XK: variants seen among roughly 807,000 people sequenced by gnomAD.
The protein encoded by XK is endoplasmic reticulum membrane adapter protein XK.
XK carries 2 observed loss-of-function variants against 14.0 expected under a neutral mutation model. The ratio of observed to expected loss-of-function variants is 0.14; its 90% CI spans 0.06 to 0.45. The LOEUF is 0.45. Ranked by LOEUF, XK falls within the 20% of genes least tolerant of loss-of-function variation. The pLI is 0.98. For missense variants in XK, 235 were observed against 341.5 expected, an observed-to-expected ratio of 0.69 and a Z score of 2.46; for synonymous variants, 149 against 147.5, an observed-to-expected ratio of 1.01 and a Z score of -0.08.
At chrX:37,710,114 A>C (rs782703554) in intron 2 of XK, among the ~76,000 whole-genome samples, 1 of 112,632 alleles carries the variant, frequency 8.9e-6, no homozygotes, top group Admixed American at 9.4e-5. Flanking sequence ...CCATGGATGC[A>C]CTTAGATCTC....
chrX:37,706,603 C>CT (rs56688156), intron 2 of XK, among the ~76,000 whole-genome samples: 31,593 of 105,645 alleles, frequency 0.3, 5,645 homozygotes, highest in African/African-American at 0.66. Context: ...GACAAATGTT[C>CT]TTTTTTTTTA....
chrX:37,698,543 C>CAA lies in XK; in HGVS notation c.508+4020_508+4021dup, dbSNP rs35497516. The stretch of plus-strand genomic sequence containing the variant: ...GCTTGAGCCTGGGAGGACCTTGCCT[C>CAA]AAAAAAAAAAAAAAAAAAAAAAAAA... On this transcript the variant is annotated intron_variant, in intron 2 of 2. Transcript: ENST00000378616. 4.9e-3 allele frequency among the ~76,000 whole-genome samples: 133 copies of CAA among 26,989 alleles called. 6 individuals are homozygous for CAA. Among genetic ancestry groups the CAA allele is most frequent in the African/African-American group, 0.014 (116 of 8,018 alleles). 23.4% of individuals were successfully genotyped at this position (26,989 alleles called of 115,157 possible). A position where few individuals can be genotyped will look rare whatever the true frequency, so the allele number is the denominator to read the frequency against.
intron 2 of XK, among the ~76,000 whole-genome samples, chrX:37,697,325 C>T (rs1927322339): frequency 8.9e-6 from 1 of 112,249 alleles, no homozygotes; most frequent in African/African-American, 3.2e-5. Context: ...TTAGACTAGT[C>T]ATGGCCTGCG....
At chrX:37,726,465 C>T (rs1326226229) in intron 2 of XK, among the ~76,000 whole-genome samples, 6 of 111,453 alleles carry the variant, frequency 5.4e-5, no homozygotes, top group Admixed American at 9.5e-5. Flanking sequence ...GCCAGGCTGT[C>T]GGTTCCTAAC....
chrX:37,731,378 C>A lies in XK; in HGVS notation c.*2916C>A, dbSNP rs1569475846. ...GACTTCCTCTCATTGCTGGAGACAG[C>A]CCAGTGTAGAGATTGGCACTTCCCT... is the stretch of plus-strand genomic sequence containing the variant. On this transcript the variant is annotated 3_prime_UTR_variant, in exon 3 of 3. Coordinates refer to ENST00000378616, the MANE Select transcript of XK (RefSeq NM_021083.4). 9.0e-6 allele frequency: 1 copy of A among 111,717 alleles called. No individual in the cohort carries two copies. Among genetic ancestry groups the A allele is most frequent in the Non-Finnish European group, 1.9e-5 (1 of 53,098 alleles). 9.2% of individuals were successfully genotyped at this position (111,717 alleles called of 1,213,427 possible).
intron 2 of XK, among the ~76,000 whole-genome samples, chrX:37,709,937 G>A (rs1927629302): frequency 9.0e-6 from 1 of 111,725 alleles, no homozygotes; most frequent in African/African-American, 3.3e-5. Flanking sequence ...GATCAAGAGT[G>A]AACACAAAAT....
chrX:37,706,631 A>T lies in XK; in HGVS notation c.508+12083A>T, dbSNP rs183535117. ...TTTTTTTAAAATTAATTAATTAATT[A>T]ATTTTATTTTATTTTATTTTTATTG... On this transcript the variant is annotated intron_variant, in intron 2 of 2. Coordinates refer to ENST00000378616, the MANE Select transcript of XK (RefSeq NM_021083.4). Among the ~76,000 whole-genome samples, 840 of 109,443 alleles carry T rather than the reference A, an allele frequency of 7.7e-3. 8 individuals carry two copies. Among genetic ancestry groups the T allele is most frequent in the African/African-American group, 0.023 (693 of 29,999 alleles).
At chrX:37,705,155 TAAAAG>T (rs1556444669) in intron 2 of XK, among the ~76,000 whole-genome samples, 1 of 110,610 alleles carries the variant, frequency 9.0e-6, no homozygotes, top group African/African-American at 3.3e-5. Context: ...TCATAAAACT[TAAAAG>T]AGAAGCCAGG....
intron 2 of XK, among the ~76,000 whole-genome samples, chrX:37,697,141 G>A (rs1556442589): frequency 1.8e-5 from 2 of 111,664 alleles, no homozygotes; most frequent in Non-Finnish European, 3.8e-5. Flanking sequence ...ATGATGATTA[G>A]AGTTACCTGG....
At position 37,686,330 on chromosome X, in the gene XK, G is replaced by A. The variant is rs782803574; in HGVS notation, c.245+124G>A. ...AGACAGGTGGCTGAGCCCCAAGCCG[G>A]TCCGCCATGCCCCTCAGCCCCATTA... On this transcript the variant is annotated intron_variant, in intron 1 of 2. Coordinates refer to ENST00000378616, the MANE Select transcript of XK (RefSeq NM_021083.4). The A allele has an allele frequency of 8.4e-4, 932 of 1,112,844 alleles. 3 individuals are homozygous for A. Among genetic ancestry groups the A allele is most frequent in the South Asian group, 2.8e-3 (138 of 48,901 alleles). 91.7% of individuals were successfully genotyped at this position (1,112,844 alleles called of 1,213,427 possible).
At chrX:37,716,761 C>A (rs1927774110) in intron 2 of XK, among the ~76,000 whole-genome samples, 1 of 111,872 alleles carries the variant, frequency 8.9e-6, no homozygotes, top group African/African-American at 3.3e-5. Context: ...AGTCTAGGAT[C>A]TTACTTCCTT....
chrX:37,689,961 T>G (rs1927171998), intron 1 of XK, among the ~76,000 whole-genome samples: 1 of 111,640 alleles, frequency 9.0e-6, no homozygotes, highest in Non-Finnish European at 1.9e-5. Flanking sequence ...TTTCAAGGAA[T>G]TCCCCTCATT....
At chrX:37,689,366 A>G (rs782686686) in intron 1 of XK, among the ~76,000 whole-genome samples, 14 of 112,592 alleles carry the variant, frequency 1.2e-4, no homozygotes, top group Non-Finnish European at 2.3e-4. Context: ...TCAGCTTTAC[A>G]TAAAGATAAA....
rs1556450519 is a variant in XK at position 37,728,201 on chromosome X, G to A, written c.1074G>A (p.Gly358=). The A allele has an allele frequency of 8.3e-7, 1 of 1,209,122 alleles. No individual in the cohort carries two copies. Among genetic ancestry groups the A allele is most frequent in the African/African-American group, 1.8e-5 (1 of 56,948 alleles). ...TGTTGGTCCTGCAGCTGCTCATTGGGTACTGCACAGCCATTCTCTTCATGC... is the reference window on the plus strand; with the variant it reads ...TGTTGGTCCTGCAGCTGCTCATTGGATACTGCACAGCCATTCTCTTCATGC... ...APLLVLQLLI[G]YCTAILFMLV... Residue 358 remains glycine, a synonymous_variant, in exon 3 of 3, where the codon GGG becomes GGA. Coordinates refer to ENST00000378616, the MANE Select transcript of XK (RefSeq NM_021083.4).
At chrX:37,698,166 C>T (rs1927338696) in intron 2 of XK, among the ~76,000 whole-genome samples, 1 of 112,038 alleles carries the variant, frequency 8.9e-6, no homozygotes, top group Admixed American at 9.4e-5. Flanking sequence ...CAGTGCCCTT[C>T]TCTATTCTAC....
At chrX:37,692,241 T>TTTA (rs1205819061) in intron 1 of XK, among the ~76,000 whole-genome samples, 4 of 110,373 alleles carry the variant, frequency 3.6e-5, no homozygotes, top group Non-Finnish European at 5.7e-5. Context: ...TTAATTTTCG[T>TTTA]TTATTATTAT....
chrX:37,700,531 G>A (rs1295387126), intron 2 of XK, among the ~76,000 whole-genome samples: 6 of 112,055 alleles, frequency 5.4e-5, no homozygotes, highest in Admixed American at 4.7e-4. Flanking sequence ...TGGGTGGAAG[G>A]TGTTGCCAGT....
At chrX:37,704,244 A>G (rs951421207) in intron 2 of XK, among the ~76,000 whole-genome samples, 17 of 111,965 alleles carry the variant, frequency 1.5e-4, no homozygotes, top group African/African-American at 4.5e-4. Flanking sequence ...ATAAAAAACT[A>G]TCTGGAGAGC....
intron 2 of XK, among the ~76,000 whole-genome samples, chrX:37,697,120 C>T (rs2146814023): frequency 8.9e-6 from 1 of 111,832 alleles, no homozygotes; most frequent in African/African-American, 3.2e-5. Flanking sequence ...ATTCCTCAAA[C>T]TTCCCTGATG....
Sources: allele counts gnomAD v4.1 joint callset (sites outside exome capture counted in the v4.1 genomes callset), GRCh38; gene constraint gnomAD v4.1.1; transcripts MANE v1.5; gene names NCBI Gene and HGNC (gene_info 2026-07-23, HGNC 2026-07-21).